Variants in MDGA2 observed in about 807,000 individuals in gnomAD.
The protein encoded by MDGA2 is MAM domain-containing glycosylphosphatidylinositol anchor protein 2.
In MDGA2, 40 loss-of-function variants were observed where a neutral mutation model predicts 117.8. The observed-to-expected ratio is 0.34, with a 90% CI of 0.26 to 0.44. MDGA2 has a LOEUF of 0.44. Ranked by LOEUF, MDGA2 falls within the 20% of genes least tolerant of loss-of-function variation. MDGA2 has a pLI of 1.00. For synonymous variants in MDGA2, 452 were observed against 439.0 expected (o/e 1.03, Z -0.37); for missense variants, 1,123 against 1,250.6 (o/e 0.90, Z 1.54).
rs143559386 is a variant in MDGA2 at position 46,865,019 on chromosome 14, G to GA, written c.2752+8413dup. Among the ~76,000 whole-genome samples, 686 of 151,532 alleles carry GA rather than the reference G, an allele frequency of 4.5e-3. 2 individuals are homozygous for GA. Among genetic ancestry groups the GA allele is most frequent in the African/African-American group, 0.015 (637 of 41,352 alleles). On this transcript the variant is annotated intron_variant, in intron 14 of 16. Coordinates refer to ENST00000399232, the MANE Select transcript of MDGA2 (RefSeq NM_001113498.3). ...TCTCATATGGCGTTTAACTCCAAGG[G>GA]AAAAAAAATCCCAATATGTGAGCTG...
chr14:47,034,069 A>C (rs1235565345), intron 8 of MDGA2, among the ~76,000 whole-genome samples: 1 of 152,214 alleles, frequency 6.6e-6, no homozygotes, highest in African/African-American at 2.4e-5. Flanking sequence ...TGAAAACTTG[A>C]TATTGTATAT....
chr14:47,499,607 C>G (rs1262511679), intron 1 of MDGA2, among the ~76,000 whole-genome samples: 1 of 152,138 alleles, frequency 6.6e-6, no homozygotes, highest in Non-Finnish European at 1.5e-5. Context: ...CTCCCTACCA[C>G]TATCAGCTTA....
intron 2 of MDGA2, among the ~76,000 whole-genome samples, chr14:47,265,250 T>C (rs892532851): frequency 6.6e-6 from 1 of 152,158 alleles, no homozygotes; most frequent in Non-Finnish European, 1.5e-5. Flanking sequence ...AAAAGAATTA[T>C]GAAGTGATTA....
At chr14:47,370,781 G>T (rs1002778336) in intron 1 of MDGA2, among the ~76,000 whole-genome samples, 1 of 151,082 alleles carries the variant, frequency 6.6e-6, no homozygotes, top group Non-Finnish European at 1.5e-5. Flanking sequence ...ACTTGCTTTA[G>T]GTGTCCAATG....
intron 3 of MDGA2, among the ~76,000 whole-genome samples, chr14:47,169,353 A>T (rs1296100823): frequency 6.6e-6 from 1 of 151,858 alleles, no homozygotes; most frequent in African/African-American, 2.4e-5. Context: ...ATTGTGAGCC[A>T]ATGGCTTATA....
intron 3 of MDGA2, among the ~76,000 whole-genome samples, chr14:47,150,370 C>T (rs1192889691): frequency 4.6e-5 from 7 of 152,174 alleles, no homozygotes; most frequent in Non-Finnish European, 2.9e-5. Context: ...AGATAAGAAT[C>T]TCTTTGTATT....
Position 47,096,911 on chromosome 14 carries a change from T to C in MDGA2, c.1138A>G (p.Ile380Val), listed in dbSNP as rs77910307. Residue 380 changes from isoleucine to valine, a missense_variant, in exon 6 of 17, where the codon ATT becomes GTT. This residue lies in a region of MDGA2 where 890 missense variants were observed against 1,050.3 expected (regional missense o/e 0.85). Coordinates refer to ENST00000399232, the MANE Select transcript of MDGA2 (RefSeq NM_001113498.3). Reference protein sequence around the residue: ...TSDDAGTYSCIANNNVGNPAK... With the variant: ...TSDDAGTYSCVANNNVGNPAK... ...GGGTTTCCCACATTATTATTGGCAA[T>C]GCAGCTGTAAGTACCAGCATCATCT... 4.9e-4 allele frequency: 791 copies of C among 1,613,346 alleles called. 11 individuals carry two copies. The East Asian group carries it at 0.017, about 35-fold the overall frequency.
At chr14:47,473,565 G>T (rs934920908) in intron 1 of MDGA2, among the ~76,000 whole-genome samples, 5 of 151,830 alleles carry the variant, frequency 3.3e-5, no homozygotes, top group African/African-American at 1.2e-4. Flanking sequence ...AAAACACTAT[G>T]AAGAAAATTG....
chr14:47,242,638 G>A (rs1405947911), intron 2 of MDGA2, among the ~76,000 whole-genome samples: 2 of 151,790 alleles, frequency 1.3e-5, no homozygotes. Context: ...TGGCCCACCA[G>A]CGCTGCGCTC....
chr14:47,412,838 A>G (rs1892401498), intron 1 of MDGA2, among the ~76,000 whole-genome samples: 1 of 152,214 alleles, frequency 6.6e-6, no homozygotes, highest in African/African-American at 2.4e-5. Context: ...GTCTCAGAAA[A>G]GGGCCTTTGA....
chr14:46,974,348 ATTTT>A (rs896259685), intron 8 of MDGA2, among the ~76,000 whole-genome samples: 1 of 151,762 alleles, frequency 6.6e-6, no homozygotes, highest in Non-Finnish European at 1.5e-5. Context: ...TCCCAATGGC[ATTTT>A]TTTTGGCAGA....
At chr14:47,039,913 T>TCACACA (rs150173178) in intron 7 of MDGA2, among the ~76,000 whole-genome samples, 63 of 151,168 alleles carry the variant, frequency 4.2e-4, no homozygotes, top group African/African-American at 1.3e-3. Context: ...TGGCTCTCTC[T>TCACACA]CACACACACA....
At chr14:46,977,332 G>A (rs1334339773) in intron 8 of MDGA2, among the ~76,000 whole-genome samples, 1 of 150,968 alleles carries the variant, frequency 6.6e-6, no homozygotes, top group Non-Finnish European at 1.5e-5. Flanking sequence ...AATAAGAAGA[G>A]GTTAAATTTC....
At chr14:47,230,327 G>C (rs1351632123) in intron 2 of MDGA2, among the ~76,000 whole-genome samples, 1 of 151,946 alleles carries the variant, frequency 6.6e-6, no homozygotes, top group Non-Finnish European at 1.5e-5. Context: ...ATATAGGTTT[G>C]ACAGAGATGT....
At chr14:47,446,966 A>G (rs1023232405) in intron 1 of MDGA2, among the ~76,000 whole-genome samples, 2 of 152,176 alleles carry the variant, frequency 1.3e-5, no homozygotes, top group Admixed American at 1.3e-4. Flanking sequence ...TAGTGACTCT[A>G]ATCATTATAT....
chr14:47,220,595 AC>A (rs1198196200), intron 2 of MDGA2, among the ~76,000 whole-genome samples: 1 of 145,772 alleles, frequency 6.9e-6, no homozygotes, highest in East Asian at 2.1e-4. Context: ...AAATCCTGAC[AC>A]CATGGAGTTA....
intron 1 of MDGA2, among the ~76,000 whole-genome samples, chr14:47,503,501 G>T (rs1035507660): frequency 2.0e-5 from 3 of 150,528 alleles, no homozygotes; most frequent in African/African-American, 7.4e-5. Context: ...CAGCTCCTGG[G>T]TTCACGCCAT....
chr14:47,559,411 C>T (rs984900834), intron 1 of MDGA2, among the ~76,000 whole-genome samples: 4 of 152,094 alleles, frequency 2.6e-5, no homozygotes, highest in Non-Finnish European at 5.9e-5. Flanking sequence ...TCCTGCAAAG[C>T]GCAAAGGACA....
intron 5 of MDGA2, among the ~76,000 whole-genome samples, chr14:47,126,263 A>G (rs1881896986): frequency 6.6e-6 from 1 of 152,080 alleles, no homozygotes; most frequent in Admixed American, 6.6e-5. Flanking sequence ...TCATCCAAAT[A>G]TGAGTAGGGA....
Sources: allele counts gnomAD v4.1 joint callset (sites outside exome capture counted in the v4.1 genomes callset), GRCh38; gene constraint gnomAD v4.1.1; regional missense constraint gnomAD v4.1.1; transcripts MANE v1.5; gene names NCBI Gene and HGNC (gene_info 2026-07-23, HGNC 2026-07-21).